The following CLVS1 variants were observed in gnomAD, a reference collection of about 807,000 sequenced individuals.
CLVS1 encodes the protein clavesin-1.
A neutral mutation model predicts 33.1 loss-of-function variants in CLVS1; 10 were observed. That is an observed-to-expected ratio of 0.30 (90% confidence interval 0.19 to 0.51). CLVS1 has a LOEUF of 0.51. CLVS1 is among the 20% of genes least tolerant of loss of function. The probability of loss-of-function intolerance (pLI) is 0.97; values close to 1 mark genes in which losing one functional copy is unlikely to be tolerated. For synonymous variants in CLVS1, 163 were observed against 166.1 expected (o/e 0.98, Z 0.14); for missense variants, 343 against 433.4 (o/e 0.79, Z 1.85).
chr8:61,290,799 C>A (rs1402818964), intron 1 of CLVS1, among the ~76,000 whole-genome samples: 1 of 152,126 alleles, frequency 6.6e-6, no homozygotes, highest in Non-Finnish European at 1.5e-5. Flanking sequence ...TGCAATCAGT[C>A]CAGAAATATG....
At chr8:61,191,692 A>G (rs1270524636) in intron 2 of CLVS1, among the ~76,000 whole-genome samples, 2 of 147,384 alleles carry the variant, frequency 1.4e-5, no homozygotes, top group African/African-American at 5.0e-5. Context: ...GGATAAAAAA[A>G]TCAATGTGCA....
intron 5 of CLVS1, among the ~76,000 whole-genome samples, chr8:61,485,659 A>G (rs1434572578): frequency 1.3e-5 from 2 of 152,242 alleles, no homozygotes; most frequent in Non-Finnish European, 2.9e-5. Context: ...TGTTTATTGC[A>G]GCACTATTCA....
intron 5 of CLVS1, among the ~76,000 whole-genome samples, chr8:61,492,849 A>ACAT (rs1804141807): frequency 6.6e-6 from 1 of 152,200 alleles, no homozygotes; most frequent in African/African-American, 2.4e-5. Context: ...GGTTCAGTAA[A>ACAT]CATTAATTGT....
chr8:61,276,711 A>C (rs16927130), intron 2 of CLVS1, among the ~76,000 whole-genome samples: 40,968 of 152,188 alleles, frequency 0.27, 7,983 homozygotes, highest in East Asian at 0.85. Context: ...AAAGAAAAAA[A>C]TGAATAAAAT....
intron 3 of CLVS1, among the ~76,000 whole-genome samples, chr8:61,443,115 T>G (rs1472353277): frequency 6.6e-6 from 1 of 152,232 alleles, no homozygotes; most frequent in Non-Finnish European, 1.5e-5. Flanking sequence ...TGAGAGCTTA[T>G]TATATATTCT....
chr8:61,120,377 A>G (rs1271970141), intron 1 of CLVS1, among the ~76,000 whole-genome samples: 12 of 128,186 alleles, frequency 9.4e-5, no homozygotes, highest in Non-Finnish European at 1.8e-4. Flanking sequence ...TCAGCTCGTC[A>G]AAGTCATTCT....
intron 2 of CLVS1, among the ~76,000 whole-genome samples, chr8:61,209,194 T>C (rs1355564020): frequency 6.6e-6 from 1 of 152,156 alleles, no homozygotes; most frequent in Non-Finnish European, 1.5e-5. Context: ...AGATGCAAAA[T>C]GAATAGACTG....
At chr8:61,053,506 T>C (rs375411790), upstream of CLVS1, among the ~76,000 whole-genome samples, 11 of 152,352 alleles carry the variant, frequency 7.2e-5, no homozygotes, top group South Asian at 1.2e-3. Context: ...CATAGCAAAG[T>C]GGGGGCTATT....
intron 1 of CLVS1, chr8:61,090,774 A>G (rs1231560522): frequency 4.2e-6 from 2 of 472,766 alleles, no homozygotes; most frequent in Non-Finnish European, 8.3e-6. Flanking sequence ...AGGTCTAGAG[A>G]CAGAGAAGAA....
chr8:61,334,259 G>A (rs1811703146), intron 2 of CLVS1, among the ~76,000 whole-genome samples: 1 of 152,202 alleles, frequency 6.6e-6, no homozygotes, highest in Admixed American at 6.5e-5. Flanking sequence ...GGGGCCAGGA[G>A]GAAGGAGACA....
chr8:61,182,656 G>A (rs894398509), intron 2 of CLVS1, among the ~76,000 whole-genome samples: 1 of 152,148 alleles, frequency 6.6e-6, no homozygotes, highest in Non-Finnish European at 1.5e-5. Flanking sequence ...TCACAATGAC[G>A]ATTATTAAAA....
intron 5 of CLVS1, among the ~76,000 whole-genome samples, chr8:61,468,847 C>T (rs1817645144): frequency 6.6e-6 from 1 of 151,956 alleles, no homozygotes; most frequent in African/African-American, 2.4e-5. Flanking sequence ...ACAGTGGAGC[C>T]ACCGCTTATC....
chr8:61,059,143 A>AT (rs1358023749), intron 1 of CLVS1, among the ~76,000 whole-genome samples: 3 of 151,928 alleles, frequency 2.0e-5, no homozygotes, highest in African/African-American at 4.8e-5. Context: ...TGATTGTGCC[A>AT]TTTTTTTATT....
intron 1 of CLVS1, among the ~76,000 whole-genome samples, chr8:61,085,383 A>G (rs931914716): frequency 3.9e-5 from 6 of 152,126 alleles, no homozygotes; most frequent in East Asian, 3.9e-4. Flanking sequence ...CTAGACCCCA[A>G]TCTTCATGAC....
intron 2 of CLVS1, among the ~76,000 whole-genome samples, chr8:61,318,397 C>A (rs1447141592): frequency 6.6e-6 from 1 of 152,048 alleles, no homozygotes; most frequent in South Asian, 2.1e-4. Context: ...CCAGATGTTT[C>A]CTAGATACCA....
chr8:61,382,521 T>C (rs1813921932), intron 3 of CLVS1, among the ~76,000 whole-genome samples: 1 of 152,176 alleles, frequency 6.6e-6, no homozygotes, highest in Non-Finnish European at 1.5e-5. Context: ...CCAGACATAC[T>C]GAATCAGAGC....
chr8:60,976,811 C>A, the CLVS1 span, among the ~76,000 whole-genome samples: 251 of 152,332 alleles, frequency 1.6e-3, no homozygotes, highest in African/African-American at 5.8e-3. Context: ...ATTCCTGATG[C>A]GGCTTTCTGC....
Position 61,499,771 on chromosome 8 carries a change from T to C in CLVS1, c.*229T>C. The C allele has an allele frequency of 8.5e-6, 3 of 350,902 alleles. No individual in the cohort carries two copies. Among genetic ancestry groups the C allele is most frequent in the South Asian group, 9.5e-5 (1 of 10,558 alleles). The allele number at this position is 350,902 out of a possible 1,614,324, so 21.7% of individuals were successfully genotyped here. On this transcript the variant is annotated 3_prime_UTR_variant, in exon 6 of 6. Coordinates refer to ENST00000325897, the MANE Select transcript of CLVS1 (RefSeq NM_173519.3). ...CCCCAGTGAGGGGACTGGAGGATGA[T>C]GCAAGGCATTTATGTAAAAAAGATT...
In CLVS1 at chr8:61,346,540, G is replaced by T. The variant is rs531907423; in HGVS notation, c.456-30065G>T. Among the ~76,000 whole-genome samples the T allele has an allele frequency of 9.9e-5, 15 of 152,262 alleles. No individual in the cohort carries two copies. The East Asian group carries it at 2.9e-3, about 29-fold the overall frequency. On this transcript the variant is annotated intron_variant, in intron 2 of 5. Transcript: ENST00000325897. ...CAGTCCTAATGATGACCTTTTACAT[G>T]TATCTAATTAAAAGGCAGCACACAA...
Sources: gnomAD v4.1 joint callset for allele counts (sites outside exome capture counted in the v4.1 genomes callset) on GRCh38, gnomAD v4.1.1 for gene constraint, MANE v1.5 for transcripts, NCBI Gene and HGNC (gene_info 2026-07-23, HGNC 2026-07-21) for gene names.